Variants in RANBP2 observed in about 807,000 individuals in gnomAD.
RANBP2 encodes the protein E3 SUMO-protein ligase RanBP2.
In RANBP2, 57 loss-of-function variants were observed where a neutral mutation model predicts 303.6. The observed-to-expected ratio is 0.19, with a 90% CI of 0.15 to 0.23. The LOEUF (loss-of-function observed/expected upper bound fraction) is 0.23. Among genes scored for constraint, RANBP2 ranks in the 10% least tolerant of loss-of-function variants. The pLI, the probability that RANBP2 is intolerant of heterozygous loss-of-function variation, is 1.00. For synonymous variants in RANBP2, 1,167 were observed against 1,301.5 expected (o/e 0.90, Z 2.23); for missense variants, 3,138 against 3,780.8 (o/e 0.83, Z 4.46).
chr2:109,194,041 T>C, the RANBP2 span, among the ~76,000 whole-genome samples: 1 of 152,218 alleles, frequency 6.6e-6, no homozygotes, highest in South Asian at 2.1e-4. Flanking sequence ...CTGTTCTGCC[T>C]GTGTGTGTGC....
chr2:109,368,391 T>A, the RANBP2 span, among the ~76,000 whole-genome samples: 1 of 152,200 alleles, frequency 6.6e-6, no homozygotes, highest in African/African-American at 2.4e-5. Flanking sequence ...AGTTTAATCC[T>A]TATGGAATGA....
At chr2:109,114,569 C>T in the RANBP2 span, among the ~76,000 whole-genome samples, 19 of 149,060 alleles carry the variant, frequency 1.3e-4, no homozygotes, top group South Asian at 4.3e-4. Flanking sequence ...TTTGTTGATC[C>T]TTTCAAAAAA....
the RANBP2 span, chr2:109,618,664 A>T: frequency 6.0e-6 from 1 of 166,956 alleles, no homozygotes; most frequent in Non-Finnish European, 1.5e-5. Flanking sequence ...TTTGATATTC[A>T]TAGAGTTGTG....
chr2:108,737,342 TTTTTTTTG>T (rs1377712735), intron 6 of RANBP2, among the ~76,000 whole-genome samples: 3 of 126,668 alleles, frequency 2.4e-5, no homozygotes, highest in South Asian at 2.4e-4. Context: ...TTTCTTTTTT[TTTTTTTTG>T]TTTTTTTGAG....
the RANBP2 span, among the ~76,000 whole-genome samples, chr2:108,934,970 G>T: frequency 1.3e-4 from 20 of 152,340 alleles, no homozygotes; most frequent in African/African-American, 4.8e-4. Context: ...CAGTTCAGGG[G>T]TTGTGAAGCC....
At chr2:108,742,968 T>C (rs1462385451) in intron 7 of RANBP2, among the ~76,000 whole-genome samples, 1 of 151,804 alleles carries the variant, frequency 6.6e-6, no homozygotes, top group East Asian at 2.0e-4. Context: ...TTTTTGTATT[T>C]TCAGTAGAGA....
the RANBP2 span, among the ~76,000 whole-genome samples, chr2:108,961,603 A>G: frequency 2.0e-5 from 3 of 152,242 alleles, no homozygotes; most frequent in Non-Finnish European, 4.4e-5. Context: ...TACATTAAAA[A>G]AGCACTCACT....
At chr2:109,590,209 G>A in the RANBP2 span, among the ~76,000 whole-genome samples, 4 of 151,952 alleles carry the variant, frequency 2.6e-5, no homozygotes, top group African/African-American at 9.7e-5. Flanking sequence ...GTTGGGGTGA[G>A]AAGAAATCGC....
the RANBP2 span, among the ~76,000 whole-genome samples, chr2:109,137,443 G>A: frequency 3.3e-5 from 5 of 152,234 alleles, no homozygotes; most frequent in African/African-American, 1.2e-4. Context: ...CAGATGCTCT[G>A]GAAGTGCCAC....
chr2:108,888,719 G>A, the RANBP2 span, among the ~76,000 whole-genome samples: 14 of 151,740 alleles, frequency 9.2e-5, no homozygotes, highest in Middle Eastern at 3.4e-3. Context: ...TTAGCTAACC[G>A]TGTATCAATT....
At chr2:109,594,271 TA>T in the RANBP2 span, among the ~76,000 whole-genome samples, 68,894 of 151,158 alleles carry the variant, frequency 0.46, 16,071 homozygotes, top group African/African-American at 0.56. Flanking sequence ...ATGAATGTGG[TA>T]AAAAAAAAAT....
chr2:109,483,405 A>G, the RANBP2 span, among the ~76,000 whole-genome samples: 1 of 151,336 alleles, frequency 6.6e-6, no homozygotes, highest in African/African-American at 2.4e-5. Flanking sequence ...TAGATGTCCC[A>G]CTGGAGCGTA....
At chr2:109,624,297 G>A in the RANBP2 span, among the ~76,000 whole-genome samples, 2 of 152,166 alleles carry the variant, frequency 1.3e-5, no homozygotes, top group African/African-American at 4.8e-5. Context: ...GCTCTGGGAA[G>A]CTTTTTGAGC....
chr2:109,538,422 G>A, the RANBP2 span, among the ~76,000 whole-genome samples: 70 of 152,330 alleles, frequency 4.6e-4, no homozygotes, highest in African/African-American at 1.4e-3. Context: ...ATTATTCGCC[G>A]ACCACAGGGA....
the RANBP2 span, chr2:109,128,928 G>T: frequency 2.6e-6 from 1 of 379,488 alleles, no homozygotes; most frequent in Non-Finnish European, 5.3e-6. Context: ...CTGCAGGCAC[G>T]GCGCCTCCTT....
the RANBP2 span, among the ~76,000 whole-genome samples, chr2:109,029,186 T>G: frequency 2.0e-5 from 3 of 152,160 alleles, no homozygotes; most frequent in Admixed American, 6.5e-5. Context: ...ATTATTGTTA[T>G]TACTGTTAAT....
the RANBP2 span, among the ~76,000 whole-genome samples, chr2:109,430,960 C>T: frequency 6.6e-6 from 1 of 152,188 alleles, no homozygotes; most frequent in African/African-American, 2.4e-5. Flanking sequence ...TGAATGAGGG[C>T]AGAGGGCCTT....
At chr2:109,566,057 G>A in the RANBP2 span, among the ~76,000 whole-genome samples, 1 of 152,010 alleles carries the variant, frequency 6.6e-6, no homozygotes, top group Non-Finnish European at 1.5e-5. Flanking sequence ...GCCCCATAAA[G>A]AAAAGTATTT....
intron 23 of RANBP2, 129 bp downstream of exon 23, chr2:108,773,175 T>C: frequency 2.0e-6 from 2 of 983,770 alleles, no homozygotes; most frequent in Non-Finnish European, 3.1e-6. Context: ...TGGAGTGCAA[T>C]GGCATGCTCG....
Sources: allele counts gnomAD v4.1 joint callset (sites outside exome capture counted in the v4.1 genomes callset), GRCh38; gene constraint gnomAD v4.1.1; transcripts MANE v1.5; gene names NCBI Gene and HGNC (gene_info 2026-07-23, HGNC 2026-07-21).